The following ANKLE2 variants were observed in gnomAD, a reference collection of about 807,000 sequenced individuals.
ANKLE2 encodes ankyrin repeat and LEM domain containing 2, also known as ankyrin repeat and LEM domain-containing protein 2.
A neutral mutation model predicts 84.2 loss-of-function variants in ANKLE2; 55 were observed. That is an observed-to-expected ratio of 0.65 (90% CI 0.53 to 0.82). ANKLE2 has a LOEUF of 0.82. ANKLE2 is among the 40% of genes least tolerant of loss of function. The pLI is 0.00. For missense variants in ANKLE2, 1,238 were observed against 1,201.9 expected, an observed-to-expected ratio of 1.03 and a Z score of -0.44; for synonymous variants, 551 against 486.1, an observed-to-expected ratio of 1.13 and a Z score of -1.76.
At chr12:132,761,593 G>A (rs950140288) in intron 1 of ANKLE2, 25 bp downstream of exon 1, 4 of 1,217,588 alleles carry the variant, frequency 3.3e-6, no homozygotes, top group Admixed American at 4.3e-5. Flanking sequence ...AGGGTGCGGG[G>A]ACCCAGCGAC....
chr12:132,754,582 T>A, intron 2 of ANKLE2, 93 bp downstream of exon 2: 1 of 1,316,642 alleles, frequency 7.6e-7, no homozygotes, highest in East Asian at 2.4e-5. Flanking sequence ...GATTTTTTCC[T>A]TCTTAATCTG....
At chr12:132,741,622 C>T (rs2044124921) in intron 6 of ANKLE2, 137 bp from the exon 7 acceptor site, 2 of 852,716 alleles carry the variant, frequency 2.3e-6, no homozygotes, top group Middle Eastern at 2.2e-4. Context: ...AAAGCTCACA[C>T]TCAGAAAACG....
chr12:132,760,413 G>A (rs2044601443), intron 1 of ANKLE2: 1 of 152,142 alleles, frequency 6.6e-6, no homozygotes. Flanking sequence ...TTCTGACAGC[G>A]TCTTCCTGGA....
In ANKLE2 at chr12:132,759,204, ATG is replaced by A. The variant is rs1566042095; in HGVS notation, c.181+2412_181+2413del. 2.1e-3 allele frequency: 61 copies of A among 29,668 alleles called. 6 individuals are homozygous for A. The East Asian group carries it at 0.029, about 14-fold the overall frequency. 1.8% of individuals were successfully genotyped at this position (29,668 alleles called of 1,614,324 possible). A position where few individuals can be genotyped will look rare whatever the true frequency, so the allele number is the denominator to read the frequency against. On this transcript the variant is annotated intron_variant, in intron 1 of 12. Coordinates refer to ENST00000357997, the MANE Select transcript of ANKLE2 (RefSeq NM_015114.3). ...GGGCACCCACGTGGCAGAGTGGATC[ATG>A]CAGAGTGGCACCCCGGGGCACCCAC... is the stretch of plus-strand genomic sequence containing the variant.
intron 1 of ANKLE2, chr12:132,759,443 G>C (rs947100181): frequency 7.3e-5 from 10 of 137,324 alleles, no homozygotes; most frequent in African/African-American, 2.9e-4. Flanking sequence ...CTGATTCCCA[G>C]AGTAGCTGCA....
At chr12:132,734,786 C>T in intron 9 of ANKLE2, 1 of 549,632 alleles carries the variant, frequency 1.8e-6, no homozygotes, top group Non-Finnish European at 3.1e-6. Flanking sequence ...CGGCACAGCT[C>T]TCAGGAGCCG....
At position 132,758,929 on chromosome 12, in the gene ANKLE2, G is replaced by GA. The variant is rs1566041435; in HGVS notation, c.181+2688_181+2689insT. On this transcript the variant is annotated intron_variant, in intron 1 of 12. Coordinates refer to ENST00000357997, the MANE Select transcript of ANKLE2 (RefSeq NM_015114.3). ...GAGTGGCACCCCGGGGCACCCACGT[G>GA]GCAGAGTGGATCACGCAGTGTGGCA... 16 of 145,980 alleles carry GA rather than the reference G, an allele frequency of 1.1e-4. 2 individuals carry two copies. The highest frequency in any genetic ancestry group is 3.8e-4 in the African/African-American group (15 of 39,944). 9.0% of individuals were successfully genotyped at this position (145,980 alleles called of 1,614,324 possible).
intron 9 of ANKLE2, 110 bp from the exon 10 acceptor site, chr12:132,734,685 T>C (rs1593146977): frequency 2.7e-6 from 3 of 1,124,218 alleles, no homozygotes; most frequent in Non-Finnish European, 2.5e-6. Flanking sequence ...TCTGCAATCA[T>C]GGTTATAATT....
In ANKLE2 at chr12:132,735,474, T is replaced by A; in HGVS notation, c.1632A>T (p.Arg544=). ...DFRKLWKTPP[R]EKAGFLHHVK... ...CGTGGTGAAGGAAGCCTGCTTTCTC[T>A]CGAGGTGGAGTTTTCCAGAGCTTGC... Residue 544 remains arginine (R), a synonymous_variant, in exon 9 of 13, where the codon CGA becomes CGT. Coordinates refer to ENST00000357997, the MANE Select transcript of ANKLE2 (RefSeq NM_015114.3). The A allele has an allele frequency of 3.7e-6, 6 of 1,613,860 alleles. No individual in the cohort carries two copies. The highest frequency in any genetic ancestry group is 5.1e-6 in the Non-Finnish European group (6 of 1,179,986).
rs1312751099 is a variant in ANKLE2 at position 132,755,372 on chromosome 12, C to T, written c.182-239G>A. 10 of 385,456 alleles carry T rather than the reference C, an allele frequency of 2.6e-5. No individual in the cohort carries two copies. The Admixed American group carries it at 2.6e-4, about 10-fold the overall frequency. 23.9% of individuals were successfully genotyped at this position (385,456 alleles called of 1,614,324 possible). On this transcript the variant is annotated intron_variant, in intron 1 of 12. Coordinates refer to ENST00000357997, the MANE Select transcript of ANKLE2 (RefSeq NM_015114.3). Reference sequence around the variant, plus strand: ...CAGCCCGGCCAACATGGTGAAACCACGTCTCTACTGAAAATACAAAAAATT... The same window carrying T: ...CAGCCCGGCCAACATGGTGAAACCATGTCTCTACTGAAAATACAAAAAATT...
chr12:132,751,174 T>A, intron 2 of ANKLE2: 1 of 189,496 alleles, frequency 5.3e-6, no homozygotes, highest in East Asian at 1.3e-4. Context: ...AAAAAAACTA[T>A]AATTATGTCA....
chr12:132,760,994 T>C (rs1366969999), intron 1 of ANKLE2: 1 of 151,986 alleles, frequency 6.6e-6, no homozygotes, highest in Non-Finnish European at 1.5e-5. Context: ...ATTTCAAGAG[T>C]TGTATGCCAG....
Position 132,728,149 on chromosome 12 carries a change from T to C in ANKLE2, c.2498A>G (p.Lys833Arg). ...RLFLFGEEPS[K>R]LDQDVLAALE... ...AGCGGCCAAAACATCCTGATCGAGT[T>C]TTGATGGCTCCTCTCTAGAAAGCAC... The change falls in exon 12 of 13, where the codon AAA (lysine) becomes AGA (arginine). Residue 833 changes from lysine (K) to arginine (R), a missense_variant. This residue lies in a region of ANKLE2 where 802 missense variants were observed against 774.5 expected (regional missense o/e 1.04). Transcript: ENST00000357997. The C allele has an allele frequency of 6.2e-7, 1 of 1,612,732 alleles. No homozygotes were observed. The highest frequency in any genetic ancestry group is 1.1e-5 in the South Asian group (1 of 91,078).
At position 132,735,518 on chromosome 12, in the gene ANKLE2, A is replaced by C; in HGVS notation, c.1594-6T>G. 2 of 1,610,696 alleles carry C rather than the reference A, an allele frequency of 1.2e-6. No homozygotes were observed. The highest frequency in any genetic ancestry group is 1.7e-6 in the Non-Finnish European group (2 of 1,178,864). On this transcript the variant is annotated splice_region_variant and splice_polypyrimidine_tract_variant and intron_variant, in intron 8 of 12. Coordinates refer to ENST00000357997, the MANE Select transcript of ANKLE2 (RefSeq NM_015114.3). ...AGCTTGCGAAAATCTTCTGCCTATG[A>C]AGAAAAAAAAATGTATTGAGCCGTG...
rs1216941128 is a variant in ANKLE2 at position 132,730,156 on chromosome 12, A to G, written c.2006T>C (p.Phe669Ser). The G allele has an allele frequency of 1.9e-6, 3 of 1,611,478 alleles. No homozygotes were observed. Among genetic ancestry groups the G allele is most frequent in the African/African-American group, 2.7e-5 (2 of 74,882 alleles). Residue 669 changes from phenylalanine (F) to serine (S), a missense_variant, in exon 11 of 13, where the codon TTT becomes TCT. This residue lies in a region of ANKLE2 where 802 missense variants were observed against 774.5 expected (regional missense o/e 1.04). Coordinates refer to ENST00000357997, the MANE Select transcript of ANKLE2 (RefSeq NM_015114.3). ...RNNSPPTVGA[F>S]GHTRCSAFPL... The stretch of plus-strand genomic sequence containing the variant: ...GAAGGCGCTGCACCTCGTATGTCCA[A>G]AAGCACCGACTGTGGGCGGGCTGTT...
At position 132,726,960 on chromosome 12, in the gene ANKLE2, T is replaced by C; in HGVS notation, c.*282A>G. On this transcript the variant is annotated 3_prime_UTR_variant, in exon 13 of 13. Coordinates refer to ENST00000357997, the MANE Select transcript of ANKLE2 (RefSeq NM_015114.3). Reference sequence around the variant, plus strand: ...TGCCTCAGCGCCCTTTCCTCTGCTATATTTCAGACCTAGAAATTGCCACCT... The same window carrying C: ...TGCCTCAGCGCCCTTTCCTCTGCTACATTTCAGACCTAGAAATTGCCACCT... The C allele has an allele frequency of 2.2e-6, 1 of 446,812 alleles. No individual in the cohort carries two copies. Among genetic ancestry groups the C allele is most frequent in the Non-Finnish European group, 4.0e-6 (1 of 251,508 alleles). 27.7% of individuals were successfully genotyped at this position (446,812 alleles called of 1,614,324 possible).
At position 132,758,919 on chromosome 12, in the gene ANKLE2, G is replaced by GTAT; in HGVS notation, c.181+2698_181+2699insATA. ...GATCGCTGCGGAGTGGCACCCCGGG[G>GTAT]CACCCACGTGGCAGAGTGGATCACG... is the stretch of plus-strand genomic sequence containing the variant. On this transcript the variant is annotated intron_variant, in intron 1 of 12. Coordinates refer to ENST00000357997, the MANE Select transcript of ANKLE2 (RefSeq NM_015114.3). 5.4e-4 allele frequency: 79 copies of GTAT among 145,906 alleles called. 4 individuals are homozygous for GTAT. The highest frequency in any genetic ancestry group is 1.8e-3 in the African/African-American group (73 of 39,910). 9.0% of individuals were successfully genotyped at this position (145,906 alleles called of 1,614,324 possible). A position where few individuals can be genotyped will look rare whatever the true frequency, so the allele number is the denominator to read the frequency against.
chr12:132,750,818 T>C lies in ANKLE2; in HGVS notation c.672A>G (p.Glu224=). Residue 224 remains glutamate (E), a synonymous_variant, in exon 3 of 13, where the codon GAA becomes GAG. Coordinates refer to ENST00000357997, the MANE Select transcript of ANKLE2 (RefSeq NM_015114.3). ...ERIYVYENKK[E]ALQAVKMIKG... is the part of the protein sequence containing the mutation. ...TGATCATCTTGACAGCTTGCAATGC[T>C]TCCTTTTTATTTTCATAAACATAGA... 6.2e-7 allele frequency: 1 copy of C among 1,614,160 alleles called. No homozygotes were observed. Among genetic ancestry groups the C allele is most frequent in the Non-Finnish European group, 8.5e-7 (1 of 1,180,000 alleles).
In ANKLE2 at chr12:132,754,836, C is replaced by A. The variant is rs199508652; in HGVS notation, c.479G>T (p.Ser160Ile). The stretch of plus-strand genomic sequence containing the variant: ...CTCCTCTGGAGGATTCAGGCCCACA[C>A]TGTAACCAAAATCTCTGTCTTCAGA... ...GFSEDRDFGY[S>I]VGLNPPEEEA... The change falls in exon 2 of 13, where the codon AGT becomes ATT. Residue 160 changes from serine (S) to isoleucine (I), a missense_variant. By Grantham distance (142) the Ser-to-Ile change is moderately radical. Coordinates refer to ENST00000357997, the MANE Select transcript of ANKLE2 (RefSeq NM_015114.3). The A allele has an allele frequency of 3.1e-6, 5 of 1,614,072 alleles. No individual in the cohort carries two copies. Among genetic ancestry groups the A allele is most frequent in the East Asian group, 2.2e-5 (1 of 44,890 alleles).
Sources: allele counts gnomAD v4.1 joint callset, GRCh38; gene constraint gnomAD v4.1.1; regional missense constraint gnomAD v4.1.1; transcripts MANE v1.5; gene names NCBI Gene and HGNC (gene_info 2026-07-23, HGNC 2026-07-21).